Variants in MIPOL1 observed in about 807,000 individuals in gnomAD.
The protein encoded by MIPOL1 is mirror-image polydactyly gene 1 protein.
A neutral mutation model predicts 60.9 loss-of-function variants in MIPOL1; 57 were observed. The ratio of observed to expected loss-of-function variants is 0.94; its 90% confidence interval spans 0.76 to 1.17. MIPOL1 has a LOEUF of 1.17. MIPOL1 is among the 50% of genes most tolerant of loss of function. The pLI is 0.00. For synonymous variants in MIPOL1, 179 were observed against 168.8 expected, an observed-to-expected ratio of 1.06 and a Z score of -0.47; for missense variants, 551 against 511.6, an observed-to-expected ratio of 1.08 and a Z score of -0.74.
chr14:37,429,353 G>T (rs944884261), intron 11 of MIPOL1, among the ~76,000 whole-genome samples: 3 of 152,034 alleles, frequency 2.0e-5, no homozygotes, highest in Admixed American at 2.0e-4. Context: ...CAGTAGTATA[G>T]GATTTATTAT....
chr14:37,201,519 T>C (rs1010446858), intron 1 of MIPOL1, among the ~76,000 whole-genome samples: 3 of 152,138 alleles, frequency 2.0e-5, no homozygotes, highest in African/African-American at 7.2e-5. Flanking sequence ...AATATAGTTA[T>C]TGTAATATTT....
intron 6 of MIPOL1, among the ~76,000 whole-genome samples, chr14:37,271,887 G>A (rs1220741938): frequency 1.3e-5 from 2 of 151,574 alleles, no homozygotes; most frequent in African/African-American, 4.8e-5. Flanking sequence ...ATGAATTAAT[G>A]TGTCTGCCCA....
At chr14:37,470,810 A>G (rs771664688) in intron 11 of MIPOL1, among the ~76,000 whole-genome samples, 1 of 152,166 alleles carries the variant, frequency 6.6e-6, no homozygotes, top group Non-Finnish European at 1.5e-5. Flanking sequence ...AAGTAAGCAG[A>G]AACCAGAAGT....
intron 11 of MIPOL1, among the ~76,000 whole-genome samples, chr14:37,448,733 G>A (rs2153572769): frequency 6.6e-6 from 1 of 152,218 alleles, no homozygotes; most frequent in African/African-American, 2.4e-5. Flanking sequence ...GGGAAAGAAA[G>A]TTTTAAAGAT....
intron 11 of MIPOL1, among the ~76,000 whole-genome samples, chr14:37,479,991 A>C (rs2094837042): frequency 6.6e-6 from 1 of 152,152 alleles, no homozygotes; most frequent in Non-Finnish European, 1.5e-5. Flanking sequence ...AATCATGAAA[A>C]AGTAGAAAAT....
chr14:37,323,854 A>G (rs888345518), intron 9 of MIPOL1, among the ~76,000 whole-genome samples: 2 of 151,958 alleles, frequency 1.3e-5, no homozygotes, highest in African/African-American at 4.8e-5. Context: ...TGTAAGTGGT[A>G]TTGTGTAATG....
intron 10 of MIPOL1, among the ~76,000 whole-genome samples, chr14:37,370,547 A>G (rs2092611072): frequency 6.6e-6 from 1 of 152,164 alleles, no homozygotes; most frequent in Non-Finnish European, 1.5e-5. Context: ...TGTGTAATTC[A>G]CTAAGCTGGA....
intron 7 of MIPOL1, among the ~76,000 whole-genome samples, chr14:37,292,490 T>TTTTTTTTTTA (rs3061931): frequency 1.0e-5 from 1 of 96,770 alleles, no homozygotes; most frequent in East Asian, 3.1e-4. Flanking sequence ...TTTTTTTTTT[T>TTTTTTTTTTA]GAGAAGGAGT....
At chr14:37,377,510 T>G (rs2092808374) in intron 10 of MIPOL1, among the ~76,000 whole-genome samples, 1 of 152,078 alleles carries the variant, frequency 6.6e-6, no homozygotes, top group Admixed American at 6.6e-5. Context: ...AGCAACTTTT[T>G]GGGGGGCAAG....
chr14:37,548,480 A>T lies in MIPOL1; in HGVS notation c.*1509A>T, dbSNP rs1566804945. On this transcript the variant is annotated 3_prime_UTR_variant, in exon 13 of 13. Transcript: ENST00000684589. ...AATAAACTGATTTAATTTGCTCTAT[A>T]GTCCTAAAGAGAATTATATCCTCTC... The T allele has an allele frequency of 1.3e-5, 2 of 152,090 alleles. No homozygotes were observed. Among genetic ancestry groups the T allele is most frequent in the African/African-American group, 4.8e-5 (2 of 41,464 alleles). The allele number at this position is 152,090 out of a possible 1,614,324, so 9.4% of individuals were successfully genotyped here.
chr14:37,361,504 G>T (rs1201125366), intron 9 of MIPOL1, among the ~76,000 whole-genome samples: 1 of 151,680 alleles, frequency 6.6e-6, no homozygotes, highest in Non-Finnish European at 1.5e-5. Context: ...TTATGAATCT[G>T]GGTGTTCCTG....
At chr14:37,458,121 CA>C (rs1364009842) in intron 11 of MIPOL1, among the ~76,000 whole-genome samples, 1 of 151,198 alleles carries the variant, frequency 6.6e-6, no homozygotes, top group Non-Finnish European at 1.5e-5. Flanking sequence ...TTCAACTCAA[CA>C]AAAAGATGTA....
At chr14:37,384,176 T>G (rs2093003508) in intron 10 of MIPOL1, among the ~76,000 whole-genome samples, 1 of 151,986 alleles carries the variant, frequency 6.6e-6, no homozygotes, top group South Asian at 2.1e-4. Flanking sequence ...GTCACAACAT[T>G]ATTATTTTGT....
chr14:37,394,554 A>T (rs1009822594), intron 10 of MIPOL1, among the ~76,000 whole-genome samples: 1 of 151,716 alleles, frequency 6.6e-6, no homozygotes, highest in East Asian at 1.9e-4. Context: ...GGCCATTTGT[A>T]TATCTTCTTT....
At chr14:37,322,489 A>G (rs2088684143) in intron 9 of MIPOL1, among the ~76,000 whole-genome samples, 1 of 152,048 alleles carries the variant, frequency 6.6e-6, no homozygotes, top group South Asian at 2.1e-4. Context: ...TCTTATATAG[A>G]TAAGAAATGT....
intron 11 of MIPOL1, among the ~76,000 whole-genome samples, chr14:37,456,128 T>G (rs146852577): frequency 8.2e-4 from 124 of 151,990 alleles, no homozygotes; most frequent in Non-Finnish European, 1.5e-3. Context: ...AACTTTTTTG[T>G]GAAGTTATCA....
intron 11 of MIPOL1, among the ~76,000 whole-genome samples, chr14:37,493,935 C>A (rs966259907): frequency 6.6e-6 from 1 of 152,240 alleles, no homozygotes; most frequent in African/African-American, 2.4e-5. Context: ...TATAATACTA[C>A]TACTACGCTG....
intron 11 of MIPOL1, among the ~76,000 whole-genome samples, chr14:37,425,376 A>G (rs1264768703): frequency 6.6e-6 from 1 of 152,182 alleles, no homozygotes; most frequent in East Asian, 1.9e-4. Context: ...TTTTTCAAAT[A>G]CTCTTTAAAA....
At chr14:37,375,088 G>A (rs1336575566) in intron 10 of MIPOL1, among the ~76,000 whole-genome samples, 1 of 152,032 alleles carries the variant, frequency 6.6e-6, no homozygotes, top group Non-Finnish European at 1.5e-5. Context: ...TCCTTGAAGA[G>A]GTCCTTCACA....
Sources: gnomAD v4.1 joint callset for allele counts (sites outside exome capture counted in the v4.1 genomes callset) on GRCh38, gnomAD v4.1.1 for gene constraint, MANE v1.5 for transcripts, NCBI Gene and HGNC (gene_info 2026-07-23, HGNC 2026-07-21) for gene names.